Variants in BMPER observed in about 807,000 individuals in gnomAD.
BMPER encodes BMP binding endothelial regulator.
A neutral mutation model predicts 87.3 loss-of-function variants in BMPER; 45 were observed. The ratio of observed to expected loss-of-function variants is 0.52; its 90% CI spans 0.41 to 0.66. BMPER has a LOEUF of 0.66. BMPER is among the 30% of genes least tolerant of loss of function. The pLI, the probability that BMPER is intolerant of heterozygous loss-of-function variation, is 0.00. For missense variants in BMPER, 784 were observed against 867.5 expected, an observed-to-expected ratio of 0.90 and a Z score of 1.21; for synonymous variants, 326 against 316.2, an observed-to-expected ratio of 1.03 and a Z score of -0.33.
rs534151828 is a variant in BMPER at position 33,905,581 on chromosome 7, C to T, written c.-33C>T. Reference sequence around the variant, plus strand: ...GCTGAGCAGAGGCGGCGGCGCGGGACCTGCAGTCGCCAGGGATTCCCTCCA... The same window carrying T: ...GCTGAGCAGAGGCGGCGGCGCGGGATCTGCAGTCGCCAGGGATTCCCTCCA... On this transcript the variant is annotated 5_prime_UTR_variant, in exon 1 of 15. Transcript: ENST00000649409. 6 of 1,607,998 alleles carry T rather than the reference C, an allele frequency of 3.7e-6. No homozygotes were observed. The South Asian group carries it at 6.6e-5, about 18-fold the overall frequency.
In BMPER at chr7:33,974,794, G is replaced by T. The variant is rs1785642623; in HGVS notation, c.576+10G>T. On this transcript the variant is annotated intron_variant, in intron 6 of 14. Transcript: ENST00000649409. ...CAAGTGTTCCTGCACTGTAAGTCCTGCTGTGGATGTTCCCAGGGTGTCCTT... is the reference window on the plus strand; with the variant it reads ...CAAGTGTTCCTGCACTGTAAGTCCTTCTGTGGATGTTCCCAGGGTGTCCTT... 1 of 1,613,164 alleles carries T rather than the reference G, an allele frequency of 6.2e-7. No individual in the cohort carries two copies. Among genetic ancestry groups the T allele is most frequent in the Non-Finnish European group, 8.5e-7 (1 of 1,179,180 alleles).
intron 13 of BMPER, among the ~76,000 whole-genome samples, chr7:34,105,366 A>G (rs755874535): frequency 6.6e-6 from 1 of 152,196 alleles, no homozygotes; most frequent in African/African-American, 2.4e-5. Context: ...TCCTTAGGAA[A>G]GGTCTAAGAA....
intron 6 of BMPER, among the ~76,000 whole-genome samples, chr7:33,997,890 T>C (rs949964970): frequency 2.0e-5 from 3 of 152,194 alleles, no homozygotes; most frequent in Non-Finnish European, 4.4e-5. Flanking sequence ...ATTAAAATGG[T>C]AACCCTGCTT....
chr7:34,091,860 T>G (rs1390868826), intron 13 of BMPER, among the ~76,000 whole-genome samples: 1 of 152,246 alleles, frequency 6.6e-6, no homozygotes, highest in Non-Finnish European at 1.5e-5. Flanking sequence ...TCTTTAGTTT[T>G]TAGTTATTCC....
At chr7:33,957,933 G>A (rs891571565) in intron 3 of BMPER, among the ~76,000 whole-genome samples, 1 of 152,130 alleles carries the variant, frequency 6.6e-6, no homozygotes, top group Non-Finnish European at 1.5e-5. Context: ...GACACAGATG[G>A]TGTTTCATAC....
chr7:34,108,470 AATCT>A (rs1789880696), intron 13 of BMPER, among the ~76,000 whole-genome samples: 1 of 152,224 alleles, frequency 6.6e-6, no homozygotes, highest in South Asian at 2.1e-4. Context: ...CTTGGTCACC[AATCT>A]TACTGGGCAG....
chr7:33,974,836 T>C, intron 6 of BMPER, 52 bp downstream of exon 6: 1 of 1,562,996 alleles, frequency 6.4e-7, no homozygotes, highest in Non-Finnish European at 8.8e-7. Flanking sequence ...AAGCACTTCT[T>C]GTACTCACCA....
intron 13 of BMPER, among the ~76,000 whole-genome samples, chr7:34,120,861 A>C (rs1790247157): frequency 6.6e-6 from 1 of 152,198 alleles, no homozygotes; most frequent in African/African-American, 2.4e-5. Context: ...TGCATGAAAA[A>C]ATCAAGTTCA....
intron 6 of BMPER, among the ~76,000 whole-genome samples, chr7:33,985,398 A>G: frequency 6.6e-6 from 1 of 152,220 alleles, no homozygotes; most frequent in East Asian, 1.9e-4. Context: ...CCATAATTTC[A>G]TCATTTTCAG....
At chr7:33,933,517 A>G (rs975270698) in intron 2 of BMPER, among the ~76,000 whole-genome samples, 1 of 145,228 alleles carries the variant, frequency 6.9e-6, no homozygotes, top group South Asian at 2.1e-4. Context: ...TCTTGTTTAG[A>G]TCTGGAGAGA....
At chr7:34,011,188 T>G (rs1246212095) in intron 6 of BMPER, among the ~76,000 whole-genome samples, 3 of 151,830 alleles carry the variant, frequency 2.0e-5, no homozygotes, top group African/African-American at 4.8e-5. Context: ...GTTGCAATAC[T>G]TCTTAGACTA....
chr7:34,074,979 G>T (rs1244236567), intron 11 of BMPER, among the ~76,000 whole-genome samples: 3 of 151,932 alleles, frequency 2.0e-5, no homozygotes, highest in African/African-American at 7.2e-5. Context: ...TGTTTGGGGG[G>T]AGTAGGATTA....
intron 3 of BMPER, among the ~76,000 whole-genome samples, chr7:33,953,364 A>G (rs1429819699): frequency 1.3e-5 from 2 of 152,232 alleles, no homozygotes; most frequent in African/African-American, 2.4e-5. Context: ...ATGAAGTGAA[A>G]AGAAGACAGG....
chr7:33,908,593 G>A (rs542597754), intron 2 of BMPER, among the ~76,000 whole-genome samples: 1 of 152,318 alleles, frequency 6.6e-6, no homozygotes, highest in South Asian at 2.1e-4. Context: ...TGGAATTCAA[G>A]TGGGAGTGAT....
intron 6 of BMPER, among the ~76,000 whole-genome samples, chr7:33,994,351 G>A (rs1242504683): frequency 6.6e-6 from 1 of 152,246 alleles, no homozygotes; most frequent in Non-Finnish European, 1.5e-5. Flanking sequence ...CGTCGGAAAA[G>A]CGCGGTATTC....
chr7:33,931,263 C>A (rs1263130294), intron 2 of BMPER, among the ~76,000 whole-genome samples: 1 of 152,180 alleles, frequency 6.6e-6, no homozygotes, highest in Non-Finnish European at 1.5e-5. Flanking sequence ...GAATATGATA[C>A]TTCTGTACAT....
chr7:34,060,729 C>G (rs1045022141), intron 10 of BMPER, among the ~76,000 whole-genome samples: 1 of 152,180 alleles, frequency 6.6e-6, no homozygotes, highest in African/African-American at 2.4e-5. Flanking sequence ...AGCCATGTGG[C>G]TTTGACATGA....
chr7:33,937,812 C>A (rs1284767523), intron 3 of BMPER, among the ~76,000 whole-genome samples: 3 of 152,148 alleles, frequency 2.0e-5, no homozygotes, highest in Non-Finnish European at 4.4e-5. Flanking sequence ...TGTATTTTAT[C>A]ATTTTCGTCC....
chr7:33,993,874 A>C (rs1425749577), intron 6 of BMPER, among the ~76,000 whole-genome samples: 14 of 151,992 alleles, frequency 9.2e-5, no homozygotes, highest in Admixed American at 2.6e-4. Context: ...TTGGAGTACC[A>C]TGCAGTGTGA....
Sources: gnomAD v4.1 joint callset for allele counts (sites outside exome capture counted in the v4.1 genomes callset) on GRCh38, gnomAD v4.1.1 for gene constraint, MANE v1.5 for transcripts, NCBI Gene and HGNC (gene_info 2026-07-23, HGNC 2026-07-21) for gene names.